WAS: variants seen among roughly 807,000 people sequenced by gnomAD.
WAS encodes WASP actin nucleation promoting factor.
In WAS, 1 loss-of-function variant was observed where a neutral mutation model predicts 38.9. The observed-to-expected ratio is 0.03, with a 90% CI of 0.01 to 0.12. WAS has a LOEUF of 0.12. Ranked by LOEUF, WAS falls within the 10% of genes least tolerant of loss-of-function variation. The pLI is 1.00. For synonymous variants in WAS, 182 were observed against 173.6 expected (o/e 1.05, Z -0.38); for missense variants, 311 against 431.2 (o/e 0.72, Z 2.47).
Position 48,686,066 on chromosome X carries a change from A to G in WAS, c.506-15A>G. 1 of 1,211,861 alleles carries G rather than the reference A, an allele frequency of 8.3e-7. No homozygotes were observed. The highest frequency in any genetic ancestry group is 3.0e-5 in the East Asian group (1 of 33,871). On this transcript the variant is annotated splice_polypyrimidine_tract_variant and intron_variant, in intron 5 of 11. Coordinates refer to ENST00000376701, the MANE Select transcript of WAS (RefSeq NM_000377.3). ...GCAGGGCTGTGATAACTCTCTACAC[A>G]TTCCATCTTCCCAGAGAGAAGAGGA...
At chrX:48,685,373 A>G (rs2062415503) in intron 2 of WAS, among the ~76,000 whole-genome samples, 174 bp from the exon 3 acceptor site, 1 of 111,471 alleles carries the variant, frequency 9.0e-6, no homozygotes, top group Non-Finnish European at 1.9e-5. Flanking sequence ...CTCCCAGACT[A>G]TACCCCACAA....
chrX:48,688,001 G>A, intron 7 of WAS, 53 bp from the exon 8 acceptor site: 2 of 1,166,764 alleles, frequency 1.7e-6, no homozygotes, highest in Non-Finnish European at 2.3e-6. Flanking sequence ...TCACTATGAA[G>A]GGAGGGAAGG....
chrX:48,689,023 G>A lies in WAS; in HGVS notation c.1295G>A (p.Gly432Glu). 1 of 1,205,173 alleles carries A rather than the reference G, an allele frequency of 8.3e-7. No individual in the cohort carries two copies. Among genetic ancestry groups the A allele is most frequent in the Non-Finnish European group, 1.1e-6 (1 of 894,157 alleles). The change falls in exon 10 of 12, where the codon GGA becomes GAA. Residue 432 changes from glycine to glutamate, a missense_variant. Gly to Glu is a moderately conservative substitution (Grantham distance 98, BLOSUM62 -2). This residue lies in a region of WAS where 142 missense variants were observed against 157.6 expected (regional missense o/e 0.90). Transcript: ENST00000376701. Reference sequence around the variant, plus strand: ...GGCCTGGCCCCTGGTGGGGGTCGGGGAGCGCTTTTGGATCAAATCCGGCAG... The same window carrying A: ...GGCCTGGCCCCTGGTGGGGGTCGGGAAGCGCTTTTGGATCAAATCCGGCAG... Reference protein sequence around the residue: ...AGGLAPGGGRGALLDQIRQGI... With the variant: ...AGGLAPGGGREALLDQIRQGI...
At chrX:48,679,224 A>G (rs1212583260), upstream of WAS, among the ~76,000 whole-genome samples, 5 of 110,088 alleles carry the variant, frequency 4.5e-5, no homozygotes, top group Non-Finnish European at 7.6e-5. Flanking sequence ...GGGTTTTGCT[A>G]TGTTGCCCAG....
At chrX:48,685,655 G>A (rs1426548778) in intron 3 of WAS, 22 bp downstream of exon 3, 21 of 1,182,390 alleles carry the variant, frequency 1.8e-5, no homozygotes, top group Admixed American at 2.4e-5. Context: ...ACCAGCCCTC[G>A]GGCCTCACTT....
chrX:48,686,207 G>C lies in WAS; in HGVS notation c.559+73G>C, dbSNP rs188887707. Reference sequence around the variant, plus strand: ...GATGGAGGAATGAGGAGTTGGATGGGTGCGTAAGTGGGTGAATGGATAGGT... The same window carrying C: ...GATGGAGGAATGAGGAGTTGGATGGCTGCGTAAGTGGGTGAATGGATAGGT... On this transcript the variant is annotated intron_variant, in intron 6 of 11. Coordinates refer to ENST00000376701, the MANE Select transcript of WAS (RefSeq NM_000377.3). 4.5e-4 allele frequency: 501 copies of C among 1,122,718 alleles called. 3 individuals are homozygous for C. In the African/African-American group the frequency reaches 8.3e-3, roughly 19 times the overall value. 92.5% of individuals were successfully genotyped at this position (1,122,718 alleles called of 1,213,427 possible). A position where few individuals can be genotyped will look rare whatever the true frequency, so the allele number is the denominator to read the frequency against.
At chrX:48,679,489 A>G (rs2062396972), upstream of WAS, among the ~76,000 whole-genome samples, 1 of 112,198 alleles carries the variant, frequency 8.9e-6, no homozygotes, top group East Asian at 2.8e-4. Context: ...TTATAAAACA[A>G]CCAGCACAAC....
chrX:48,684,226 C>G lies in WAS; in HGVS notation c.133-57C>G. The G allele has an allele frequency of 5.0e-6, 6 of 1,209,321 alleles. No homozygotes were observed. The South Asian group carries it at 1.1e-4, about 21-fold the overall frequency. ...AGGCAGGAAGGACCAGGTCTGGCTC[C>G]AAGACCTTGTGGCTACCCCTGACCA... is the stretch of plus-strand genomic sequence containing the variant. On this transcript the variant is annotated intron_variant, in intron 1 of 11. Coordinates refer to ENST00000376701, the MANE Select transcript of WAS (RefSeq NM_000377.3).
upstream of WAS, among the ~76,000 whole-genome samples, chrX:48,682,028 TGAGGCCTGGG>T (rs1300560063): frequency 8.9e-6 from 1 of 112,162 alleles, no homozygotes; most frequent in Admixed American, 9.5e-5. Context: ...ATGGGGAAAC[TGAGGCCTGGG>T]GAGGCCGGGG....
intron 1 of WAS, among the ~76,000 whole-genome samples, chrX:48,677,099 G>T (rs2062392592): frequency 8.9e-6 from 1 of 111,915 alleles, no homozygotes; most frequent in Non-Finnish European, 1.9e-5. Flanking sequence ...TCCTGGTGGG[G>T]CCTGACTGGG....
At position 48,686,971 on chromosome X, in the gene WAS, C is replaced by T. The variant is rs1231120824; in HGVS notation, c.734+16C>T. 3.3e-6 allele frequency: 4 copies of T among 1,194,391 alleles called. No individual in the cohort carries two copies. The highest frequency in any genetic ancestry group is 3.5e-5 in the African/African-American group (2 of 57,515). On this transcript the variant is annotated intron_variant, in intron 7 of 11. Coordinates refer to ENST00000376701, the MANE Select transcript of WAS (RefSeq NM_000377.3). ...GTGGATTCAAGTGAGAGCCACTCCCCAGTGGACCCACAGATTCCTGGGGGC... is the reference window on the plus strand; with the variant it reads ...GTGGATTCAAGTGAGAGCCACTCCCTAGTGGACCCACAGATTCCTGGGGGC...
upstream of WAS, among the ~76,000 whole-genome samples, chrX:48,679,903 G>A (rs781807301): frequency 2.1e-4 from 23 of 112,126 alleles, 1 homozygote; most frequent in South Asian, 7.4e-3. Context: ...GACTTGCTCC[G>A]AATTCTTTCT....
chrX:48,685,887 C>T (rs1235533378), intron 4 of WAS, 51 bp downstream of exon 4: 8 of 1,208,310 alleles, frequency 6.6e-6, no homozygotes, highest in Non-Finnish European at 9.0e-6. Flanking sequence ...TGAGTGCAAG[C>T]CTGGGGAACT....
upstream of WAS, among the ~76,000 whole-genome samples, chrX:48,682,746 T>A (rs1557005977): frequency 1.8e-5 from 2 of 109,151 alleles, no homozygotes; most frequent in Non-Finnish European, 3.8e-5. Context: ...TACAAAAAAA[T>A]TAGCTGGGCG....
At chrX:48,691,034 G>A (rs375094923) in intron 11 of WAS, 73 bp from the exon 12 acceptor site, 180 of 1,017,536 alleles carry the variant, frequency 1.8e-4, no homozygotes, top group Non-Finnish European at 1.5e-4. Flanking sequence ...CCAGGGTCCA[G>A]TCCTCACCTC....
chrX:48,689,173 T>C (rs2062431786), intron 10 of WAS, 107 bp downstream of exon 10: 1 of 985,894 alleles, frequency 1.0e-6, no homozygotes, highest in African/African-American at 1.9e-5. Flanking sequence ...TGCCAGGCCT[T>C]AGGGATTCAG....
chrX:48,682,649 C>T (rs1176605240), upstream of WAS, among the ~76,000 whole-genome samples: 1 of 111,633 alleles, frequency 9.0e-6, no homozygotes, highest in African/African-American at 3.3e-5. Context: ...AATTCTAATA[C>T]TTTGGGAGGC....
rs150520117 is a variant in WAS at position 48,684,414 on chromosome X, C to T, written c.264C>T (p.Tyr88=). The stretch of plus-strand genomic sequence containing the variant: ...AGAAGTCCTACTTCATCCGCCTTTA[C>T]GGCCTTCAGGTGACCCCCCCACCCC... The part of the protein sequence containing the change: ...NPQKSYFIRL[Y]GLQAGRLLWE... Residue 88 remains tyrosine (Y), a synonymous_variant, in exon 2 of 12, where the codon TAC becomes TAT. Coordinates refer to ENST00000376701, the MANE Select transcript of WAS (RefSeq NM_000377.3). 1.1e-4 allele frequency: 130 copies of T among 1,205,598 alleles called. 2 individuals carry two copies. The Middle Eastern group carries it at 5.3e-3, about 49-fold the overall frequency.
At chrX:48,679,238 G>A (rs983144845), upstream of WAS, among the ~76,000 whole-genome samples, 1 of 110,224 alleles carries the variant, frequency 9.1e-6, no homozygotes, top group African/African-American at 3.3e-5. Flanking sequence ...TGCCCAGGCT[G>A]GTCTCAAACT....
Sources: allele counts gnomAD v4.1 joint callset (sites outside exome capture counted in the v4.1 genomes callset), GRCh38; gene constraint gnomAD v4.1.1; regional missense constraint gnomAD v4.1.1; transcripts MANE v1.5; gene names NCBI Gene and HGNC (gene_info 2026-07-23, HGNC 2026-07-21).